CCDC57: variants seen among roughly 807,000 people sequenced by gnomAD.
The protein encoded by CCDC57 is coiled-coil domain containing 57, also known as coiled-coil domain-containing protein 57.
A neutral mutation model predicts 118.9 loss-of-function variants in CCDC57; 118 were observed. The ratio of observed to expected loss-of-function variants is 0.99; its 90% confidence interval spans 0.86 to 1.16. The LOEUF (loss-of-function observed/expected upper bound fraction) is 1.16. Ranked by LOEUF, CCDC57 falls within the 50% of genes most tolerant of loss-of-function variation. The pLI is 0.00. For synonymous variants in CCDC57, 527 were observed against 532.9 expected (o/e 0.99, Z 0.15); for missense variants, 1,300 against 1,320.7 (o/e 0.98, Z 0.24).
At chr17:82,129,793 G>A (rs1194722554) in intron 17 of CCDC57, among the ~76,000 whole-genome samples, 1 of 152,130 alleles carries the variant, frequency 6.6e-6, no homozygotes, top group Non-Finnish European at 1.5e-5. Flanking sequence ...TTGGGAGGCT[G>A]AGGCAGGAGG....
chr17:82,104,133 TA>T (rs1312819409), intron 19 of CCDC57, among the ~76,000 whole-genome samples: 1 of 152,186 alleles, frequency 6.6e-6, no homozygotes, highest in Admixed American at 6.5e-5. Flanking sequence ...GTCAACCCAG[TA>T]ACTGGTGTGT....
chr17:82,203,576 G>C (rs920857990), intron 2 of CCDC57, among the ~76,000 whole-genome samples: 2 of 152,190 alleles, frequency 1.3e-5, no homozygotes, highest in Non-Finnish European at 2.9e-5. Context: ...ATTTTCTGAG[G>C]CTGAGGTGGG....
intron 5 of CCDC57, 114 bp downstream of exon 4, chr17:82,195,149 C>A (rs1347457675): frequency 2.5e-6 from 2 of 786,574 alleles, no homozygotes; most frequent in East Asian, 5.4e-5. Context: ...CTCCTGGGCC[C>A]AAGGGATCCT....
rs7215277 is a variant in CCDC57 at position 82,201,407 on chromosome 17, C to T, written c.407+131G>A. ...TCGGCCACTCAGACAGACCAGCTCC[C>T]GTGGCCTGGAATCAGCAGCGGGAGG... On this transcript the variant is annotated intron_variant, in intron 3 of 19. Transcript: ENST00000665763. 8 of 1,170,624 alleles carry T rather than the reference C, an allele frequency of 6.8e-6. No homozygotes were observed. In the East Asian group the frequency reaches 7.8e-5, roughly 11 times the overall value. 72.5% of individuals were successfully genotyped at this position (1,170,624 alleles called of 1,614,324 possible). A position where few individuals can be genotyped will look rare whatever the true frequency, so the allele number is the denominator to read the frequency against.
At chr17:82,196,134 C>T (rs1436377240) in intron 4 of CCDC57, among the ~76,000 whole-genome samples, 1 of 152,196 alleles carries the variant, frequency 6.6e-6, no homozygotes, top group African/African-American at 2.4e-5. Context: ...CTCAAATCGC[C>T]ACTGTCCCCA....
intron 16 of CCDC57, chr17:82,135,416 T>G (rs2039008986): frequency 6.8e-6 from 1 of 147,376 alleles, no homozygotes; most frequent in Admixed American, 6.7e-5. Flanking sequence ...AGAAAAATTT[T>G]AAAGCTTTTT....
Position 82,118,333 on chromosome 17 carries a change from G to A in CCDC57, c.2899+9359C>T, listed in dbSNP as rs2036193012. On this transcript the variant is annotated intron_variant, in intron 19 of 19. Transcript: ENST00000665763. The surrounding 1 kb of genome is among the most constrained non-coding windows in gnomAD (Gnocchi z 4.7). ...ACCCAGTGTGGTGTTATCCATTAGC[G>A]CAGGACTGAAACCCGATGTGGGTGT... Among the ~76,000 whole-genome samples, 1 of 152,070 alleles carries A rather than the reference G, an allele frequency of 6.6e-6. No individual in the cohort carries two copies. The highest frequency in any genetic ancestry group is 2.4e-5 in the African/African-American group (1 of 41,400).
At chr17:82,168,727 T>C (rs4789672) in intron 13 of CCDC57, among the ~76,000 whole-genome samples, 70,685 of 147,938 alleles carry the variant, frequency 0.48, 17,288 homozygotes, top group East Asian at 0.88. Context: ...CAAGGTAGAC[T>C]TCAGAACAAA....
chr17:82,103,714 G>C (rs561869276), intron 19 of CCDC57, among the ~76,000 whole-genome samples: 1 of 152,192 alleles, frequency 6.6e-6, no homozygotes, highest in Non-Finnish European at 1.5e-5. Context: ...GCTGAGGGAG[G>C]GGGGTGAAGG....
intron 16 of CCDC57, among the ~76,000 whole-genome samples, chr17:82,135,562 TA>T (rs2039033213): frequency 6.6e-6 from 1 of 152,112 alleles, no homozygotes; most frequent in Non-Finnish European, 1.5e-5. Flanking sequence ...TTCTACGCAA[TA>T]AAAGAACCCA....
rs2050238299 is a variant in CCDC57 at position 82,212,439 on chromosome 17, T to C, written c.-211+346A>G. On this transcript the variant is annotated intron_variant, in intron 1 of 19. Coordinates refer to ENST00000665763, the Ensembl canonical transcript of CCDC57. This position sits in a 1 kb window ranked among gnomAD's most constrained non-coding sequence, Gnocchi z 4.1. ...TTTAAACTCACAGACACTGTAAGGC[T>C]GCCTGGGCGCGGAGCCGTCCTTGCC... Among the ~76,000 whole-genome samples the C allele has an allele frequency of 7.0e-6, 1 of 143,540 alleles. No homozygotes were observed. The highest frequency in any genetic ancestry group is 1.5e-5 in the Non-Finnish European group (1 of 66,858). The allele number at this position is 143,540 out of a possible 152,430, so 94.2% of individuals were successfully genotyped here.
At chr17:82,173,950 C>T (rs1235652064) in intron 11 of CCDC57, among the ~76,000 whole-genome samples, 1 of 152,188 alleles carries the variant, frequency 6.6e-6, no homozygotes, top group Non-Finnish European at 1.5e-5. Flanking sequence ...GAGTCTTTCC[C>T]TGCGGCTGTG....
chr17:82,190,268 T>C (rs1390037302), intron 7 of CCDC57, among the ~76,000 whole-genome samples: 3 of 152,208 alleles, frequency 2.0e-5, no homozygotes, highest in East Asian at 3.8e-4. Flanking sequence ...CTATTTCTCA[T>C]TGTGTTTAGT....
At chr17:82,151,233 G>GCT in intron 16 of CCDC57, among the ~76,000 whole-genome samples, 1 of 36,550 alleles carries the variant, frequency 2.7e-5, no homozygotes, top group African/African-American at 1.0e-4. Flanking sequence ...CCAGAACCTG[G>GCT]CACACACCCA....
chr17:82,151,523 C>A lies in CCDC57; in HGVS notation c.2455+37G>T, dbSNP rs541217541. Reference sequence around the variant, plus strand: ...ACCAGGTGCACACCCAGAACCTGACCCACACTCAGGCCATGGCCTCCACTT... The same window carrying A: ...ACCAGGTGCACACCCAGAACCTGACACACACTCAGGCCATGGCCTCCACTT... On this transcript the variant is annotated intron_variant, in intron 16 of 19. Coordinates refer to ENST00000665763, the Ensembl canonical transcript of CCDC57. 148 of 1,542,520 alleles carry A rather than the reference C, an allele frequency of 9.6e-5. No individual in the cohort carries two copies. In the South Asian group the frequency reaches 1.1e-3, roughly 11 times the overall value.
chr17:82,148,384 A>G (rs1307353985), intron 16 of CCDC57, among the ~76,000 whole-genome samples: 45 of 612 alleles, frequency 0.074, no homozygotes, highest in Non-Finnish European at 0.11. Flanking sequence ...TGGGTGGGTG[A>G]ATGGATGAAT....
intron 19 of CCDC57, among the ~76,000 whole-genome samples, chr17:82,106,114 C>G (rs993675333): frequency 4.6e-5 from 7 of 152,280 alleles, no homozygotes; most frequent in Admixed American, 3.3e-4. Context: ...CCAGGCCTGT[C>G]TGCTACAGCC....
intron 13 of CCDC57, among the ~76,000 whole-genome samples, chr17:82,163,720 T>C (rs534135548): frequency 5.9e-4 from 89 of 151,900 alleles, no homozygotes; most frequent in African/African-American, 2.1e-3. Flanking sequence ...AAAATCACAA[T>C]GGACATTAAC....
At position 82,212,413 on chromosome 17, in the gene CCDC57, T is replaced by TAAA. The variant is rs2050235441; in HGVS notation, c.-211+371_-211+372insTTT. On this transcript the variant is annotated intron_variant, in intron 1 of 19. Coordinates refer to ENST00000665763, the Ensembl canonical transcript of CCDC57. This position sits in a 1 kb window ranked among gnomAD's most constrained non-coding sequence, Gnocchi z 4.1. ...TTTTCCTCTCTTTTTTTTTTTTTTT[T>TAAA]TTTAAACTCACAGACACTGTAAGGC... 6.6e-6 allele frequency among the ~76,000 whole-genome samples: 1 copy of TAAA among 150,434 alleles called. No individual in the cohort carries two copies. Among genetic ancestry groups the TAAA allele is most frequent in the Non-Finnish European group, 1.5e-5 (1 of 67,552 alleles).
Sources: allele counts gnomAD v4.1 joint callset (sites outside exome capture counted in the v4.1 genomes callset), GRCh38; gene constraint gnomAD v4.1.1; non-coding constraint Gnocchi (gnomAD v3.1); transcripts MANE v1.5; gene names NCBI Gene and HGNC (gene_info 2026-07-23, HGNC 2026-07-21).